Variants in AUTS2 observed in about 807,000 individuals in gnomAD.
AUTS2 encodes the protein activator of transcription and developmental regulator AUTS2, also known as autism susceptibility gene 2 protein.
AUTS2 carries 17 observed loss-of-function variants against 112.4 expected under a neutral mutation model. The observed-to-expected ratio is 0.15, with a 90% confidence interval of 0.10 to 0.23. AUTS2 has a LOEUF of 0.23. Ranked by LOEUF, AUTS2 falls within the 10% of genes least tolerant of loss-of-function variation. The pLI, the probability that AUTS2 is intolerant of heterozygous loss-of-function variation, is 1.00. For missense variants in AUTS2, 1,510 were observed against 1,701.6 expected (o/e 0.89, Z 1.98); for synonymous variants, 751 against 702.7 (o/e 1.07, Z -1.09).
chr7:70,409,450 T>C (rs992934487), intron 4 of AUTS2, among the ~76,000 whole-genome samples: 2 of 152,168 alleles, frequency 1.3e-5, no homozygotes, highest in Non-Finnish European at 2.9e-5. Context: ...TTTGTGGACA[T>C]TGTATATACA....
chr7:70,491,416 GTA>G (rs905642624), intron 5 of AUTS2, among the ~76,000 whole-genome samples: 7 of 112,432 alleles, frequency 6.2e-5, no homozygotes, highest in African/African-American at 1.7e-4. Context: ...GTGCGTGTGT[GTA>G]TACACACACA....
chr7:70,495,332 GT>G (rs1798412801), intron 5 of AUTS2, among the ~76,000 whole-genome samples: 1 of 149,262 alleles, frequency 6.7e-6, no homozygotes, highest in Non-Finnish European at 1.5e-5. Flanking sequence ...GGGGCTCACT[GT>G]TCAAAGAACC....
intron 4 of AUTS2, among the ~76,000 whole-genome samples, chr7:70,410,312 T>C (rs1038061745): frequency 1.3e-5 from 2 of 152,192 alleles, no homozygotes; most frequent in African/African-American, 4.8e-5. Context: ...TCATTACTTA[T>C]GTTGCCTCAC....
At chr7:70,350,385 G>T (rs1230447802) in intron 4 of AUTS2, among the ~76,000 whole-genome samples, 1 of 152,092 alleles carries the variant, frequency 6.6e-6, no homozygotes, top group Non-Finnish European at 1.5e-5. Context: ...CCTGAGACTG[G>T]GTAATTTATA....
intron 4 of AUTS2, among the ~76,000 whole-genome samples, chr7:70,347,269 A>T (rs968689109): frequency 2.6e-5 from 4 of 152,262 alleles, no homozygotes; most frequent in African/African-American, 7.2e-5. Context: ...AGGTTTGAGT[A>T]TGTGCCTTCA....
chr7:70,183,888 C>T (rs1327790871), intron 4 of AUTS2, among the ~76,000 whole-genome samples: 1 of 146,326 alleles, frequency 6.8e-6, no homozygotes, highest in Admixed American at 6.9e-5. Flanking sequence ...GAGAAAGCTT[C>T]ACAAGCATGC....
intron 5 of AUTS2, among the ~76,000 whole-genome samples, chr7:70,586,886 G>A (rs1802713400): frequency 6.8e-6 from 1 of 148,022 alleles, no homozygotes; most frequent in African/African-American, 2.4e-5. Flanking sequence ...ACTACTTGCA[G>A]GAAACAGGAA....
At chr7:70,050,144 G>T (rs1230350104) in intron 2 of AUTS2, among the ~76,000 whole-genome samples, 2 of 151,710 alleles carry the variant, frequency 1.3e-5, no homozygotes, top group African/African-American at 4.8e-5. Context: ...ATCACCTAAG[G>T]TCAGGAGTTC....
intron 5 of AUTS2, among the ~76,000 whole-genome samples, chr7:70,508,960 A>C (rs1041812543): frequency 2.0e-5 from 3 of 152,172 alleles, no homozygotes; most frequent in Admixed American, 2.0e-4. Flanking sequence ...TTCCATATCT[A>C]TGCTAAGCTG....
intron 2 of AUTS2, among the ~76,000 whole-genome samples, chr7:70,048,567 T>C (rs987736527): frequency 6.6e-6 from 1 of 152,220 alleles, no homozygotes; most frequent in Non-Finnish European, 1.5e-5. Context: ...ACTTGGCAAA[T>C]AGATGCTCAG....
chr7:69,818,136 C>T (rs961158849), intron 1 of AUTS2, among the ~76,000 whole-genome samples: 24 of 152,178 alleles, frequency 1.6e-4, no homozygotes, highest in African/African-American at 5.3e-4. Context: ...GGTTCCTTTT[C>T]TCCATTGATG....
chr7:69,877,366 C>T (rs568192663), intron 1 of AUTS2, among the ~76,000 whole-genome samples: 12 of 152,164 alleles, frequency 7.9e-5, no homozygotes, highest in Non-Finnish European at 1.5e-4. Flanking sequence ...GTAAGCACCT[C>T]ATTTTAAAGT....
At chr7:70,549,152 A>G (rs1800916984) in intron 5 of AUTS2, among the ~76,000 whole-genome samples, 1 of 152,122 alleles carries the variant, frequency 6.6e-6, no homozygotes, top group Non-Finnish European at 1.5e-5. Context: ...AAAATTTTTA[A>G]AATTTCTTTT....
chr7:69,636,719 T>C (rs567684981), intron 1 of AUTS2, among the ~76,000 whole-genome samples: 4 of 152,182 alleles, frequency 2.6e-5, no homozygotes, highest in African/African-American at 7.2e-5. Context: ...TGCTTTTTTT[T>C]CCTACTTAAT....
intron 5 of AUTS2, among the ~76,000 whole-genome samples, chr7:70,666,583 C>T (rs1008815359): frequency 6.6e-6 from 1 of 152,160 alleles, no homozygotes; most frequent in Non-Finnish European, 1.5e-5. Flanking sequence ...GTGCTTTCTC[C>T]TGCCCTTCTT....
chr7:69,839,199 G>GAATTT (rs1258521410), intron 1 of AUTS2, among the ~76,000 whole-genome samples: 1 of 152,156 alleles, frequency 6.6e-6, no homozygotes. Flanking sequence ...AGAGGACAGT[G>GAATTT]AATTGCTAAC....
Position 69,915,876 on chromosome 7 carries a change from A to G in AUTS2, c.522+16378A>G, listed in dbSNP as rs371488384. Among the ~76,000 whole-genome samples the G allele has an allele frequency of 1.1e-3, 168 of 152,242 alleles. 1 individual carries two copies. The East Asian group carries it at 0.012, about 11-fold the overall frequency. On this transcript the variant is annotated intron_variant, in intron 2 of 18. Coordinates refer to ENST00000342771, the MANE Select transcript of AUTS2 (RefSeq NM_015570.4). ...TGAGTAGCTGGGACTACAGGCGCACACCACCACACCTAGCTAATTTTTTGA... is the reference window on the plus strand; with the variant it reads ...TGAGTAGCTGGGACTACAGGCGCACGCCACCACACCTAGCTAATTTTTTGA...
At chr7:70,536,698 C>A (rs1454811553) in intron 5 of AUTS2, among the ~76,000 whole-genome samples, 1 of 144,438 alleles carries the variant, frequency 6.9e-6, no homozygotes, top group Non-Finnish European at 1.5e-5. Flanking sequence ...GTCGGGAGTT[C>A]AAGACCAGCC....
intron 4 of AUTS2, among the ~76,000 whole-genome samples, chr7:70,141,385 T>C (rs1806855079): frequency 6.6e-6 from 1 of 151,972 alleles, no homozygotes; most frequent in African/African-American, 2.4e-5. Context: ...GAAGAGGAGA[T>C]TTGAATGTAG....
Sources: gnomAD v4.1 joint callset for allele counts (sites outside exome capture counted in the v4.1 genomes callset) on GRCh38, gnomAD v4.1.1 for gene constraint, MANE v1.5 for transcripts, NCBI Gene and HGNC (gene_info 2026-07-23, HGNC 2026-07-21) for gene names.